SUGCT: variants seen among roughly 807,000 people sequenced by gnomAD.
The protein encoded by SUGCT is succinyl-CoA:glutarate-CoA transferase.
Under a neutral mutation model 55.0 loss-of-function variants are expected in SUGCT, and 41 were observed. The ratio of observed to expected loss-of-function variants is 0.74; its 90% CI spans 0.58 to 0.97. The LOEUF is 0.97. Ranked by LOEUF, SUGCT falls within the 50% of genes least tolerant of loss-of-function variation. SUGCT has a pLI of 0.00. For missense variants in SUGCT, 568 were observed against 547.8 expected, an observed-to-expected ratio of 1.04 and a Z score of -0.37; for synonymous variants, 187 against 200.4, an observed-to-expected ratio of 0.93 and a Z score of 0.56.
At chr7:40,391,120 T>C (rs1446216666) in intron 9 of SUGCT, among the ~76,000 whole-genome samples, 1 of 152,110 alleles carries the variant, frequency 6.6e-6, no homozygotes, top group Non-Finnish European at 1.5e-5. Flanking sequence ...TTACACCTTA[T>C]ACAAAAATTA....
At chr7:40,774,874 A>T (rs561869264) in intron 13 of SUGCT, among the ~76,000 whole-genome samples, 1 of 152,190 alleles carries the variant, frequency 6.6e-6, no homozygotes, top group Non-Finnish European at 1.5e-5. Context: ...AGTAACATTT[A>T]GTTGGTAATA....
intron 11 of SUGCT, among the ~76,000 whole-genome samples, chr7:40,478,718 T>C (rs1232941745): frequency 6.6e-6 from 1 of 152,134 alleles, no homozygotes; most frequent in East Asian, 1.9e-4. Flanking sequence ...AAATTTCAAG[T>C]ACAGAATAAA....
intron 6 of SUGCT, among the ~76,000 whole-genome samples, chr7:40,229,776 T>C (rs2150854447): frequency 7.0e-6 from 1 of 142,698 alleles, no homozygotes; most frequent in Admixed American, 7.4e-5. Flanking sequence ...ATCGTGCAAC[T>C]GCACTCCAGC....
At chr7:40,704,193 G>A (rs1349523050) in intron 12 of SUGCT, among the ~76,000 whole-genome samples, 1 of 152,186 alleles carries the variant, frequency 6.6e-6, no homozygotes, top group Non-Finnish European at 1.5e-5. Context: ...AGAAAAATTG[G>A]CTTTGAGAAT....
chr7:40,822,013 C>A (rs1246858241), intron 13 of SUGCT, among the ~76,000 whole-genome samples: 7 of 152,150 alleles, frequency 4.6e-5, no homozygotes, highest in Admixed American at 2.6e-4. Flanking sequence ...GCCTTCATTT[C>A]ATTATGTACC....
At chr7:40,713,264 G>A (rs1785824756) in intron 12 of SUGCT, among the ~76,000 whole-genome samples, 1 of 152,198 alleles carries the variant, frequency 6.6e-6, no homozygotes, top group South Asian at 2.1e-4. Flanking sequence ...CCCAGAAAGG[G>A]CAGTTTTGTT....
intron 9 of SUGCT, among the ~76,000 whole-genome samples, chr7:40,333,834 T>C (rs1232280320): frequency 2.0e-5 from 3 of 150,652 alleles, no homozygotes; most frequent in African/African-American, 7.3e-5. Context: ...ACATGTGCCA[T>C]GGTGGTGTGC....
intron 12 of SUGCT, among the ~76,000 whole-genome samples, chr7:40,543,106 C>T (rs983850696): frequency 2.0e-5 from 3 of 152,142 alleles, no homozygotes; most frequent in African/African-American, 4.8e-5. Flanking sequence ...TGTTTCAATA[C>T]GTCTGTTTTT....
intron 12 of SUGCT, among the ~76,000 whole-genome samples, chr7:40,639,675 ATT>A (rs370490950): frequency 1.2e-4 from 17 of 140,270 alleles, no homozygotes; most frequent in Non-Finnish European, 1.7e-4. Context: ...ATGCCGTCTA[ATT>A]TTTTTTTTTT....
chr7:40,212,929 AATT>A (rs1251640220), intron 6 of SUGCT, among the ~76,000 whole-genome samples: 5 of 152,186 alleles, frequency 3.3e-5, no homozygotes, highest in Non-Finnish European at 7.3e-5. Flanking sequence ...TGATGATGGT[AATT>A]ATTTCACAAT....
At chr7:40,237,823 G>A in intron 7 of SUGCT, 97 bp downstream of exon 7, 1 of 952,250 alleles carries the variant, frequency 1.1e-6, no homozygotes, top group Non-Finnish European at 1.6e-6. Flanking sequence ...TGAGTTGTTA[G>A]GTTGGGGCAA....
chr7:40,799,246 C>A (rs767480686), intron 13 of SUGCT, among the ~76,000 whole-genome samples: 1 of 152,148 alleles, frequency 6.6e-6, no homozygotes, highest in Non-Finnish European at 1.5e-5. Flanking sequence ...TTTACCCAAA[C>A]ACTCAAACCA....
chr7:40,671,408 A>G (rs1801933649), intron 12 of SUGCT, among the ~76,000 whole-genome samples: 1 of 152,226 alleles, frequency 6.6e-6, no homozygotes, highest in African/African-American at 2.4e-5. Flanking sequence ...AGGCAGTGAA[A>G]GGAAATAAAA....
At chr7:40,377,317 A>G (rs1464294859) in intron 9 of SUGCT, among the ~76,000 whole-genome samples, 1 of 147,670 alleles carries the variant, frequency 6.8e-6, no homozygotes, top group Non-Finnish European at 1.5e-5. Context: ...ATCTCTGCTC[A>G]CTGCAACCTC....
the SUGCT span, among the ~76,000 whole-genome samples, chr7:41,021,692 T>A: frequency 6.6e-6 from 1 of 151,860 alleles, no homozygotes; most frequent in Non-Finnish European, 1.5e-5. Flanking sequence ...AATTATTAGA[T>A]ATTAAAAGAA....
intron 13 of SUGCT, among the ~76,000 whole-genome samples, chr7:40,785,803 T>G (rs1789980513): frequency 6.6e-6 from 1 of 152,156 alleles, no homozygotes; most frequent in African/African-American, 2.4e-5. Context: ...AAAATAATTT[T>G]AGGGCCAGGT....
At chr7:40,582,425 C>G (rs1199030575) in intron 12 of SUGCT, among the ~76,000 whole-genome samples, 9 of 152,200 alleles carry the variant, frequency 5.9e-5, no homozygotes, top group African/African-American at 1.9e-4. Flanking sequence ...AATATTTTGC[C>G]ACTACACTAT....
At chr7:41,005,409 G>C in the SUGCT span, among the ~76,000 whole-genome samples, 34 of 152,158 alleles carry the variant, frequency 2.2e-4, 1 homozygote, top group Admixed American at 1.8e-3. Flanking sequence ...TCCATATAAA[G>C]TCTTCTCCAT....
chr7:40,164,145 A>C (rs1412977801), intron 1 of SUGCT, among the ~76,000 whole-genome samples: 2 of 143,454 alleles, frequency 1.4e-5, no homozygotes, highest in Non-Finnish European at 3.0e-5. Flanking sequence ...TTTTTTTGAG[A>C]CGGAGTCTCG....
Sources: gnomAD v4.1 joint callset for allele counts (sites outside exome capture counted in the v4.1 genomes callset) on GRCh38, gnomAD v4.1.1 for gene constraint, MANE v1.5 for transcripts, NCBI Gene and HGNC (gene_info 2026-07-23, HGNC 2026-07-21) for gene names.